Variants in PLEKHA6 observed in about 807,000 individuals in gnomAD.
PLEKHA6 encodes pleckstrin homology domain-containing family A member 6.
A neutral mutation model predicts 116.7 loss-of-function variants in PLEKHA6; 60 were observed. That is an observed-to-expected ratio of 0.51 (90% confidence interval 0.42 to 0.64). The LOEUF (loss-of-function observed/expected upper bound fraction) is 0.64, where lower values mean the gene tolerates loss of function less well. Ranked by LOEUF, PLEKHA6 falls within the 30% of genes least tolerant of loss-of-function variation. PLEKHA6 has a pLI of 0.00. For missense variants in PLEKHA6, 1,338 were observed against 1,422.7 expected, an observed-to-expected ratio of 0.94 and a Z score of 0.96; for synonymous variants, 489 against 556.1, an observed-to-expected ratio of 0.88 and a Z score of 1.70.
intron 1 of PLEKHA6, among the ~76,000 whole-genome samples, chr1:204,304,680 T>C (rs568145389): frequency 2.6e-5 from 4 of 152,290 alleles, no homozygotes; most frequent in African/African-American, 7.2e-5. Context: ...CTCAGACTGG[T>C]GAAAACTCTG....
At chr1:204,310,109 C>T (rs1028511425) in intron 1 of PLEKHA6, among the ~76,000 whole-genome samples, 1 of 151,822 alleles carries the variant, frequency 6.6e-6, no homozygotes, top group Non-Finnish European at 1.5e-5. Flanking sequence ...TGGATGTGGC[C>T]CATGGGTCAC....
chr1:204,241,626 C>G, intron 16 of PLEKHA6, 59 bp downstream of exon 16: 1 of 1,520,152 alleles, frequency 6.6e-7, no homozygotes, highest in Non-Finnish European at 8.8e-7. Context: ...AATGAGCACC[C>G]AGGGCTCCTC....
At chr1:204,376,064 T>C (rs1470785815) in intron 1 of PLEKHA6, among the ~76,000 whole-genome samples, 1 of 152,080 alleles carries the variant, frequency 6.6e-6, no homozygotes, top group African/African-American at 2.4e-5. Context: ...TCCTAAGTAT[T>C]GATTTATGTA....
At position 204,223,172 on chromosome 1, in the gene PLEKHA6, C is replaced by G. The variant is rs2102357053; in HGVS notation, c.*8+290G>C. ...GTCAGGGAAGAGCCTTCCCTGAGAG[C>G]AGACAGGTGAGGTCTCGGCTCCATT... On this transcript the variant is annotated intron_variant, in intron 22 of 22. Coordinates refer to ENST00000272203, the MANE Select transcript of PLEKHA6 (RefSeq NM_014935.5). This position sits in a 1 kb window ranked among gnomAD's most constrained non-coding sequence, Gnocchi z 4.8. Among the ~76,000 whole-genome samples the G allele has an allele frequency of 6.6e-6, 1 of 152,252 alleles. No individual in the cohort carries two copies. The highest frequency in any genetic ancestry group is 2.1e-4 in the South Asian group (1 of 4,814).
At chr1:204,360,893 T>C (rs1389529828), upstream of PLEKHA6, among the ~76,000 whole-genome samples, 1 of 152,236 alleles carries the variant, frequency 6.6e-6, no homozygotes, top group African/African-American at 2.4e-5. Flanking sequence ...GATTGCTTTC[T>C]GCCTCAGTTT....
At chr1:204,298,843 G>A (rs1572121853) in intron 1 of PLEKHA6, among the ~76,000 whole-genome samples, 2 of 152,344 alleles carry the variant, frequency 1.3e-5, no homozygotes, top group South Asian at 2.1e-4. Flanking sequence ...AGAAAAAAGA[G>A]GCCAGCCCTT....
At chr1:204,293,197 C>T (rs1034734087) in intron 1 of PLEKHA6, among the ~76,000 whole-genome samples, 16 of 152,100 alleles carry the variant, frequency 1.1e-4, no homozygotes, top group Non-Finnish European at 2.1e-4. Flanking sequence ...TGCAGTGGCG[C>T]GATCTTGGCT....
intron 1 of PLEKHA6, among the ~76,000 whole-genome samples, chr1:204,338,610 C>T (rs561870197): frequency 6.6e-6 from 1 of 152,284 alleles, no homozygotes; most frequent in African/African-American, 2.4e-5. Context: ...TACAACCTAG[C>T]AAGCCAAGCC....
At chr1:204,338,867 C>T (rs548854593) in intron 1 of PLEKHA6, among the ~76,000 whole-genome samples, 8 of 152,330 alleles carry the variant, frequency 5.3e-5, no homozygotes, top group South Asian at 2.1e-4. Context: ...CTAACCAATA[C>T]ATGCTTTCAG....
At chr1:204,319,822 G>A (rs551726011) in intron 1 of PLEKHA6, among the ~76,000 whole-genome samples, 2 of 152,186 alleles carry the variant, frequency 1.3e-5, no homozygotes, top group Non-Finnish European at 2.9e-5. Context: ...GACATACAGA[G>A]GGAGGAAAGA....
chr1:204,303,661 A>G (rs912831863), intron 1 of PLEKHA6, among the ~76,000 whole-genome samples: 1 of 152,180 alleles, frequency 6.6e-6, no homozygotes, highest in African/African-American at 2.4e-5. Flanking sequence ...CAGACACTCT[A>G]ATACCCCCAG....
chr1:204,375,321 A>G lies in PLEKHA6; in HGVS notation c.83+2262T>C, dbSNP rs1209449195. 5.9e-5 allele frequency among the ~76,000 whole-genome samples: 9 copies of G among 152,002 alleles called. 1 individual carries two copies. The highest frequency in any genetic ancestry group is 5.9e-4 in the Admixed American group (9 of 15,268). On this transcript the variant is annotated intron_variant, in intron 1 of 4. Transcript: ENST00000564627. ...GGAACCTCAACTGCAGTGTTTCCCC[A>G]CTAACCCTGTACTCCCCCTAATATG...
At chr1:204,300,910 T>C (rs1670750628) in intron 1 of PLEKHA6, among the ~76,000 whole-genome samples, 1 of 152,190 alleles carries the variant, frequency 6.6e-6, no homozygotes, top group Non-Finnish European at 1.5e-5. Context: ...CCTACAAATG[T>C]CTGAACTGAA....
At position 204,263,308 on chromosome 1, in the gene PLEKHA6, C is replaced by T. The variant is rs369178328; in HGVS notation, c.381+1634G>A. ...AGCTGTCCCAGCGGGGCAAAGCCCCCGGAGCCTCTGTGGGGCCAGAGTTAG... is the reference window on the plus strand; with the variant it reads ...AGCTGTCCCAGCGGGGCAAAGCCCCTGGAGCCTCTGTGGGGCCAGAGTTAG... On this transcript the variant is annotated intron_variant, in intron 6 of 22. Transcript: ENST00000272203. Among the ~76,000 whole-genome samples, 24 of 152,310 alleles carry T rather than the reference C, an allele frequency of 1.6e-4. No individual in the cohort carries two copies. The South Asian group carries it at 4.8e-3, about 30-fold the overall frequency.
rs550276323 is a variant in PLEKHA6 at position 204,220,119 on chromosome 1, C to T, written c.*2669G>A. On this transcript the variant is annotated 3_prime_UTR_variant, in exon 23 of 23. Coordinates refer to ENST00000272203, the MANE Select transcript of PLEKHA6 (RefSeq NM_014935.5). ...GCCTCCTCTGGGCTTCGCACCGTCT[C>T]GTACACTGACATCCTTAGTGCTGTT... is the stretch of plus-strand genomic sequence containing the variant. The T allele has an allele frequency of 1.3e-5, 2 of 152,208 alleles. No homozygotes were observed. Among genetic ancestry groups the T allele is most frequent in the Non-Finnish European group, 1.5e-5 (1 of 68,044 alleles). 9.4% of individuals were successfully genotyped at this position (152,208 alleles called of 1,614,324 possible).
chr1:204,335,512 C>G (rs185038807), intron 1 of PLEKHA6, among the ~76,000 whole-genome samples: 1 of 152,236 alleles, frequency 6.6e-6, no homozygotes, highest in East Asian at 1.9e-4. Flanking sequence ...TCAAAGGCAT[C>G]TTTACGCCGC....
At chr1:204,329,122 T>G (rs1166188238) in intron 1 of PLEKHA6, among the ~76,000 whole-genome samples, 2 of 152,222 alleles carry the variant, frequency 1.3e-5, no homozygotes, top group Non-Finnish European at 2.9e-5. Flanking sequence ...GAGGGGATAG[T>G]TGGGAAAGAT....
rs2102354646 is a variant in PLEKHA6 at position 204,222,502 on chromosome 1, T to C, written c.*286A>G. 6.5e-6 allele frequency: 1 copy of C among 152,934 alleles called. No individual in the cohort carries two copies. Among genetic ancestry groups the C allele is most frequent in the African/African-American group, 2.4e-5 (1 of 41,588 alleles). 9.5% of individuals were successfully genotyped at this position (152,934 alleles called of 1,614,324 possible). A position where few individuals can be genotyped will look rare whatever the true frequency, so the allele number is the denominator to read the frequency against. ...AGGCTCCCTGTGACTTGGACATTAATGAGGATGGTGCTCCCCACTGTCATC... is the reference window on the plus strand; with the variant it reads ...AGGCTCCCTGTGACTTGGACATTAACGAGGATGGTGCTCCCCACTGTCATC... On this transcript the variant is annotated 3_prime_UTR_variant, in exon 23 of 23. Coordinates refer to ENST00000272203, the MANE Select transcript of PLEKHA6 (RefSeq NM_014935.5).
At chr1:204,266,237 C>T (rs1412268607) in intron 5 of PLEKHA6, among the ~76,000 whole-genome samples, 2 of 152,192 alleles carry the variant, frequency 1.3e-5, no homozygotes, top group Non-Finnish European at 2.9e-5. Flanking sequence ...CCCAGGGCTG[C>T]CTTCAGGAGA....
Sources: gnomAD v4.1 joint callset for allele counts (sites outside exome capture counted in the v4.1 genomes callset) on GRCh38, gnomAD v4.1.1 for gene constraint, Gnocchi (gnomAD v3.1) non-coding constraint, MANE v1.5 for transcripts, NCBI Gene and HGNC (gene_info 2026-07-23, HGNC 2026-07-21) for gene names.